WWC2: variants seen among roughly 807,000 people sequenced by gnomAD.
WWC2 encodes the protein protein WWC2.
WWC2 carries 101 observed loss-of-function variants against 138.5 expected under a neutral mutation model. The ratio of observed to expected loss-of-function variants is 0.73; its 90% CI spans 0.62 to 0.86. The LOEUF (loss-of-function observed/expected upper bound fraction) is 0.86. WWC2 is among the 40% of genes least tolerant of loss of function. The pLI is 0.00. For synonymous variants in WWC2, 558 were observed against 538.4 expected (o/e 1.04, Z -0.50); for missense variants, 1,420 against 1,419.4 (o/e 1.00, Z -0.01).
chr4:183,221,334 C>G (rs1027623102), intron 4 of WWC2, among the ~76,000 whole-genome samples: 2 of 152,178 alleles, frequency 1.3e-5, no homozygotes, highest in African/African-American at 4.8e-5. Flanking sequence ...GGACAAATCT[C>G]TAATTATAGT....
chr4:183,113,616 C>A (rs1732320565), intron 1 of WWC2, among the ~76,000 whole-genome samples: 1 of 151,920 alleles, frequency 6.6e-6, no homozygotes. Context: ...AGGCTGGTCT[C>A]AAACTCCTGG....
chr4:183,152,542 A>C (rs1317581368), intron 1 of WWC2, among the ~76,000 whole-genome samples: 3 of 151,344 alleles, frequency 2.0e-5, no homozygotes, highest in Admixed American at 6.6e-5. Context: ...AAAAAAAAAA[A>C]AAAACGCACA....
chr4:183,283,073 G>C (rs1362253575), intron 18 of WWC2, among the ~76,000 whole-genome samples, 167 bp downstream of exon 18: 1 of 152,144 alleles, frequency 6.6e-6, no homozygotes, highest in Non-Finnish European at 1.5e-5. Context: ...CATCATAAAT[G>C]CTTTAACGTT....
intron 1 of WWC2, among the ~76,000 whole-genome samples, chr4:183,102,605 T>G (rs1743213072): frequency 6.6e-6 from 1 of 152,204 alleles, no homozygotes; most frequent in Admixed American, 6.5e-5. Context: ...CTTGCGCATG[T>G]TCAGGGGTCT....
intron 1 of WWC2, among the ~76,000 whole-genome samples, chr4:183,171,950 C>CT (rs1363933947): frequency 1.3e-5 from 2 of 152,176 alleles, no homozygotes; most frequent in Non-Finnish European, 1.5e-5. Flanking sequence ...AATCAGTAGT[C>CT]TGTGTGTACA....
intron 21 of WWC2, 91 bp from the exon 22 acceptor site, chr4:183,312,250 T>C (rs1432417239): frequency 1.9e-6 from 3 of 1,552,628 alleles, no homozygotes; most frequent in South Asian, 2.3e-5. Context: ...CTCCTGACTT[T>C]AGTCCACAAT....
At chr4:183,113,940 G>A (rs914251295) in intron 1 of WWC2, among the ~76,000 whole-genome samples, 5 of 152,004 alleles carry the variant, frequency 3.3e-5, no homozygotes, top group Non-Finnish European at 5.9e-5. Context: ...TGAGGCTTGA[G>A]GAAAAGAGAG....
chr4:183,103,894 A>G lies in WWC2; in HGVS notation c.131+4272A>G, dbSNP rs367953865. On this transcript the variant is annotated intron_variant, in intron 1 of 22. Transcript: ENST00000403733. The stretch of plus-strand genomic sequence containing the variant: ...TGTGATGCGCCCACCTTGGCCTCCC[A>G]AAGTGCTGGGATTACAGGCATGAGC... 2.7e-5 allele frequency among the ~76,000 whole-genome samples: 4 copies of G among 150,856 alleles called. No homozygotes were observed. In the East Asian group the frequency reaches 8.0e-4, roughly 30 times the overall value.
chr4:183,252,893 A>G (rs928469413), intron 8 of WWC2, among the ~76,000 whole-genome samples: 1 of 152,046 alleles, frequency 6.6e-6, no homozygotes, highest in Non-Finnish European at 1.5e-5. Flanking sequence ...ACTCCCTCCC[A>G]GGGTCTTGCT....
At chr4:183,278,657 G>C (rs1418514862) in intron 16 of WWC2, among the ~76,000 whole-genome samples, 1 of 152,026 alleles carries the variant, frequency 6.6e-6, no homozygotes, top group Non-Finnish European at 1.5e-5. Flanking sequence ...GTTTCCTTGA[G>C]CAGTGGTTTG....
At chr4:183,250,263 C>CT (rs1237528199) in intron 8 of WWC2, among the ~76,000 whole-genome samples, 1 of 148,188 alleles carries the variant, frequency 6.7e-6, no homozygotes, top group African/African-American at 2.5e-5. Flanking sequence ...AAAAAAGAAG[C>CT]TTTGAGTTGG....
chr4:183,145,779 C>T (rs575980247), intron 1 of WWC2, among the ~76,000 whole-genome samples: 28 of 152,300 alleles, frequency 1.8e-4, no homozygotes, highest in African/African-American at 6.5e-4. Context: ...GTTGTTTGAT[C>T]TGAACTTAAC....
chr4:183,318,056 C>A lies in WWC2; in HGVS notation c.*2327C>A, dbSNP rs922283821. The A allele has an allele frequency of 3.3e-5, 5 of 152,062 alleles. No homozygotes were observed. Among genetic ancestry groups the A allele is most frequent in the African/African-American group, 1.2e-4 (5 of 41,400 alleles). 9.4% of individuals were successfully genotyped at this position (152,062 alleles called of 1,614,324 possible). A position where few individuals can be genotyped will look rare whatever the true frequency, so the allele number is the denominator to read the frequency against. On this transcript the variant is annotated 3_prime_UTR_variant, in exon 23 of 23. Coordinates refer to ENST00000403733, the MANE Select transcript of WWC2 (RefSeq NM_024949.6). ...TGACAAAACATTTTAATAACTTGAT[C>A]ACAAAACCATATGGACAAATATGAA...
intron 1 of WWC2, among the ~76,000 whole-genome samples, chr4:183,178,305 C>G (rs751783141): frequency 2.0e-5 from 3 of 151,666 alleles, no homozygotes; most frequent in African/African-American, 4.8e-5. Context: ...CTTCGGGATA[C>G]CAATGTGGGA....
intron 1 of WWC2, among the ~76,000 whole-genome samples, chr4:183,117,214 TC>T (rs1388501647): frequency 3.4e-5 from 5 of 148,264 alleles, no homozygotes; most frequent in African/African-American, 1.3e-4. Context: ...ACATTCTTCT[TC>T]TTTTTTTTTT....
At chr4:183,283,813 T>C (rs1411490267) in intron 18 of WWC2, among the ~76,000 whole-genome samples, 1 of 152,234 alleles carries the variant, frequency 6.6e-6, no homozygotes, top group African/African-American at 2.4e-5. Context: ...ATCTTTATCA[T>C]TTATTTGGAA....
intron 1 of WWC2, among the ~76,000 whole-genome samples, chr4:183,109,412 C>T (rs1157542179): frequency 1.3e-5 from 2 of 152,078 alleles, no homozygotes; most frequent in Non-Finnish European, 2.9e-5. Flanking sequence ...GCCAGCAGTC[C>T]CCAACCTTTC....
rs1331815758 is a variant in WWC2 at position 183,318,290 on chromosome 4, T to C, written c.*2561T>C. 1 of 152,628 alleles carries C rather than the reference T, an allele frequency of 6.6e-6. No homozygotes were observed. The highest frequency in any genetic ancestry group is 1.5e-5 in the Non-Finnish European group (1 of 68,028). The allele number at this position is 152,628 out of a possible 1,614,324, so 9.5% of individuals were successfully genotyped here. A position where few individuals can be genotyped will look rare whatever the true frequency, so the allele number is the denominator to read the frequency against. On this transcript the variant is annotated 3_prime_UTR_variant, in exon 23 of 23. Coordinates refer to ENST00000403733, the MANE Select transcript of WWC2 (RefSeq NM_024949.6). Reference sequence around the variant, plus strand: ...TCTGTAGCATGCAAATCAAATAAATTAAAATTTTTTGCTATTGCTTTATCT... The same window carrying C: ...TCTGTAGCATGCAAATCAAATAAATCAAAATTTTTTGCTATTGCTTTATCT...
Position 183,265,959 on chromosome 4 carries a change from A to T in WWC2, c.2207+8A>T. The stretch of plus-strand genomic sequence containing the variant: ...ACCTCATACTTCAAAAGTGTAAGTA[A>T]AATCAGCGAAGATCAAATTGAGGAA... On this transcript the variant is annotated splice_region_variant and intron_variant, in intron 14 of 22. Transcript: ENST00000403733. 6.2e-7 allele frequency: 1 copy of T among 1,605,522 alleles called. No individual in the cohort carries two copies.
Sources: allele counts gnomAD v4.1 joint callset (sites outside exome capture counted in the v4.1 genomes callset), GRCh38; gene constraint gnomAD v4.1.1; transcripts MANE v1.5; gene names NCBI Gene and HGNC (gene_info 2026-07-23, HGNC 2026-07-21).